SETD1B: variants seen among roughly 807,000 people sequenced by gnomAD.
The protein encoded by SETD1B is histone-lysine N-methyltransferase SETD1B.
Under a neutral mutation model 148.0 loss-of-function variants are expected in SETD1B, and 7 were observed. The ratio of observed to expected loss-of-function variants is 0.05; its 90% confidence interval spans 0.03 to 0.09. The LOEUF is 0.09. Ranked by LOEUF, SETD1B falls within the 10% of genes least tolerant of loss-of-function variation. The pLI, the probability that SETD1B is intolerant of heterozygous loss-of-function variation, is 1.00. For missense variants in SETD1B, 2,155 were observed against 2,729.9 expected, an observed-to-expected ratio of 0.79 and a Z score of 4.69; for synonymous variants, 1,361 against 1,186.5, an observed-to-expected ratio of 1.15 and a Z score of -3.02.
upstream of SETD1B, chr12:121,799,379 T>G (rs1341293985): frequency 6.6e-6 from 1 of 152,132 alleles, no homozygotes; most frequent in Non-Finnish European, 1.5e-5. Flanking sequence ...TAGAGAAAGG[T>G]GGCCGGAACC....
intron 11 of SETD1B, among the ~76,000 whole-genome samples, chr12:121,820,239 G>T (rs1315553585): frequency 6.6e-6 from 1 of 152,240 alleles, no homozygotes; most frequent in African/African-American, 2.4e-5. Context: ...AGTCGGTGGG[G>T]TAGGCCCTGG....
In SETD1B at chr12:121,814,909, C is replaced by A; in HGVS notation, c.2694C>A (p.Asp898Glu). The A allele has an allele frequency of 6.6e-7, 1 of 1,521,366 alleles. No homozygotes were observed. Among genetic ancestry groups the A allele is most frequent in the Non-Finnish European group, 8.9e-7 (1 of 1,127,912 alleles). The allele number at this position is 1,521,366 out of a possible 1,614,324, so 94.2% of individuals were successfully genotyped here. The change falls in exon 7 of 17, where the codon GAC becomes GAA. Residue 898 changes from aspartate to glutamate, a missense_variant. Coordinates refer to ENST00000604567, the MANE Select transcript of SETD1B (RefSeq NM_001353345.2). ...VAFRAFDEWW[D>E]KKERMAKASL... ...TCCGGGCCTTTGACGAGTGGTGGGACAAGAAGGAGCGGATGGCCAAGGTGG... is the reference window on the plus strand; with the variant it reads ...TCCGGGCCTTTGACGAGTGGTGGGAAAAGAAGGAGCGGATGGCCAAGGTGG...
chr12:121,823,039 C>A lies in SETD1B; in HGVS notation c.4460C>A (p.Pro1487His). ...PLPLPLPLAL[P>H]AVLRAQARAP... Reference sequence around the variant, plus strand: ...CCCCTGCCCTTGCCCTTGGCATTGCCCGCCGTCTTGCGGGCCCAGGCTCGT... The same window carrying A: ...CCCCTGCCCTTGCCCTTGGCATTGCACGCCGTCTTGCGGGCCCAGGCTCGT... Residue 1487 changes from proline (P) to histidine (H), a missense_variant, in exon 12 of 17, where the codon CCC becomes CAC. Transcript: ENST00000604567. 1.3e-6 allele frequency: 2 copies of A among 1,517,288 alleles called. No homozygotes were observed. The highest frequency in any genetic ancestry group is 1.8e-6 in the Non-Finnish European group (2 of 1,133,592). The allele number at this position is 1,517,288 out of a possible 1,614,324, so 94.0% of individuals were successfully genotyped here. A position where few individuals can be genotyped will look rare whatever the true frequency, so the allele number is the denominator to read the frequency against.
upstream of SETD1B, chr12:121,802,849 T>C (rs1339154891): frequency 6.6e-6 from 1 of 152,230 alleles, no homozygotes; most frequent in Non-Finnish European, 1.5e-5. Context: ...AGGAAAAACA[T>C]TCCCCATTTG....
chr12:121,799,722 G>GGTGGGGGGGGT (rs1875214664), upstream of SETD1B: 1 of 123,006 alleles, frequency 8.1e-6, no homozygotes, highest in Non-Finnish European at 1.8e-5. Context: ...GCAGCTGGGG[G>GGTGGGGGGGGT]GGGGGGGGTG....
In SETD1B at chr12:121,805,101, C is replaced by T. The variant is rs1002509205; in HGVS notation, c.175-17C>T. The T allele has an allele frequency of 2.6e-6, 4 of 1,550,460 alleles. No homozygotes were observed. Among genetic ancestry groups the T allele is most frequent in the Non-Finnish European group, 3.5e-6 (4 of 1,145,924 alleles). ...GGACCAGTTCTCTCATCCCGGCCCC[C>T]CAATTTCTCCCCACAGATGTCCAGC... On this transcript the variant is annotated splice_polypyrimidine_tract_variant and intron_variant, in intron 2 of 16. Coordinates refer to ENST00000604567, the MANE Select transcript of SETD1B (RefSeq NM_001353345.2). This position sits in a 1 kb window ranked among gnomAD's most constrained non-coding sequence, Gnocchi z 4.2.
At chr12:121,795,672 G>C in the SETD1B span, 2 of 152,804 alleles carry the variant, frequency 1.3e-5, no homozygotes, top group Non-Finnish European at 2.9e-5. Context: ...GACTGGCTGG[G>C]GAGGCAGGGC....
In SETD1B at chr12:121,831,670, AGC is replaced by A. The variant is rs1269742159; in HGVS notation, c.*1432_*1433del. ...AAGCAAGTCCCCCCGTACCCCAGAA[AGC>A]AGAGGAGGCGTGTAAATAATTTCTG... On this transcript the variant is annotated 3_prime_UTR_variant, in exon 17 of 17. Coordinates refer to ENST00000604567, the MANE Select transcript of SETD1B (RefSeq NM_001353345.2). 1 of 152,074 alleles carries A rather than the reference AGC, an allele frequency of 6.6e-6. No individual in the cohort carries two copies. The highest frequency in any genetic ancestry group is 2.4e-5 in the African/African-American group (1 of 41,408). 9.4% of individuals were successfully genotyped at this position (152,074 alleles called of 1,614,324 possible).
Position 121,819,644 on chromosome 12 carries a change from C to T in SETD1B, c.3659C>T (p.Pro1220Leu), listed in dbSNP as rs754814209. The T allele has an allele frequency of 4.9e-5, 76 of 1,551,426 alleles. No homozygotes were observed. The highest frequency in any genetic ancestry group is 6.4e-5 in the Non-Finnish European group (73 of 1,147,012). The change falls in exon 11 of 17, where the codon CCG becomes CTG. Residue 1220 changes from proline (P) to leucine (L), a missense_variant. By Grantham distance (98) the Pro-to-Leu change is moderately conservative. Transcript: ENST00000604567. ...EQDGEEAALA[P>L]GAPAVDSLGM... ...GACGGGGAGGAAGCGGCTCTGGCCC[C>T]GGGGGCACCTGCAGTGGACTCGTTG...
rs1320392247 is a variant in SETD1B at position 121,819,710 on chromosome 12, C to A, written c.3725C>A (p.Ala1242Asp). ...EEVDIETEAVAPEERPSMLDE... is the reference protein window; with the variant it reads ...EEVDIETEAVDPEERPSMLDE... Reference sequence around the variant, plus strand: ...GTGGACATCGAGACTGAGGCTGTGGCCCCTGAGGAGCGGCCCTCCATGCTG... The same window carrying A: ...GTGGACATCGAGACTGAGGCTGTGGACCCTGAGGAGCGGCCCTCCATGCTG... Residue 1242 changes from alanine (A) to aspartate (D), a missense_variant, in exon 11 of 17, where the codon GCC (alanine) becomes GAC (aspartate). By Grantham distance (126) the Ala-to-Asp change is moderately radical. Transcript: ENST00000604567. 2.0e-5 allele frequency: 31 copies of A among 1,550,984 alleles called. No homozygotes were observed. The highest frequency in any genetic ancestry group is 2.7e-5 in the Non-Finnish European group (31 of 1,146,978).
chr12:121,816,209 G>A (rs905205957), intron 7 of SETD1B, among the ~76,000 whole-genome samples: 3 of 152,118 alleles, frequency 2.0e-5, no homozygotes, highest in Non-Finnish European at 4.4e-5. Context: ...CCATAAGAGA[G>A]AACTTTTTCT....
At chr12:121,797,502 CAGAG>C in the SETD1B span, 3 of 456,500 alleles carry the variant, frequency 6.6e-6, no homozygotes, top group Non-Finnish European at 8.8e-6. Flanking sequence ...GGGACCAAAG[CAGAG>C]AGAGAGGGGT....
chr12:121,816,020 G>T (rs1412539899), intron 7 of SETD1B, among the ~76,000 whole-genome samples: 1 of 151,530 alleles, frequency 6.6e-6, no homozygotes, highest in East Asian at 1.9e-4. Flanking sequence ...TAGAGATGGG[G>T]TTTCACCTTG....
Position 121,817,782 on chromosome 12 carries a change from T to C in SETD1B, c.3313-17T>C, listed in dbSNP as rs947459179. 6.5e-7 allele frequency: 1 copy of C among 1,545,996 alleles called. No individual in the cohort carries two copies. The stretch of plus-strand genomic sequence containing the variant: ...GACCCTTCGGCTCACCTGTCCCCAC[T>C]CTTCCTTCTCCCCCAGGATGACGAC... On this transcript the variant is annotated splice_polypyrimidine_tract_variant and intron_variant, in intron 9 of 16. Coordinates refer to ENST00000604567, the MANE Select transcript of SETD1B (RefSeq NM_001353345.2). The surrounding 1 kb of genome is among the most constrained non-coding windows in gnomAD (Gnocchi z 8.1).
At chr12:121,825,486 A>G (rs1045931743) in intron 13 of SETD1B, 120 bp downstream of exon 13, 2 of 467,470 alleles carry the variant, frequency 4.3e-6, no homozygotes, top group Non-Finnish European at 7.2e-6. Context: ...GCTGGCACAC[A>G]GAGGGTGCAA....
chr12:121,826,554 G>A (rs901592156), intron 13 of SETD1B, among the ~76,000 whole-genome samples: 2 of 152,208 alleles, frequency 1.3e-5, no homozygotes, highest in South Asian at 4.1e-4. Context: ...ACTTGTGGGA[G>A]AGACAGCACA....
intron 13 of SETD1B, 114 bp downstream of exon 13, chr12:121,825,480 GCACACAGA>G: frequency 6.8e-6 from 4 of 591,320 alleles, no homozygotes; most frequent in East Asian, 5.6e-5. Flanking sequence ...AGAGGGGCTG[GCACACAGA>G]GGGTGCAAGT....
At position 121,805,471 on chromosome 12, in the gene SETD1B, ACT is replaced by A. The variant is rs1262826390; in HGVS notation, c.273+259_273+260del. Among the ~76,000 whole-genome samples the A allele has an allele frequency of 2.7e-5, 4 of 150,428 alleles. No homozygotes were observed. Among genetic ancestry groups the A allele is most frequent in the African/African-American group, 9.8e-5 (4 of 40,724 alleles). Reference sequence around the variant, plus strand: ...GCCCCGCGGGGGGCTCGGCTCCGAGACTCTCCCCTCTCGCTAGCCCACTACAG... The same window carrying A: ...GCCCCGCGGGGGGCTCGGCTCCGAGACTCCCCTCTCGCTAGCCCACTACAG... On this transcript the variant is annotated intron_variant, in intron 3 of 16. Coordinates refer to ENST00000604567, the MANE Select transcript of SETD1B (RefSeq NM_001353345.2). This position sits in a 1 kb window ranked among gnomAD's most constrained non-coding sequence, Gnocchi z 4.2.
the SETD1B span, chr12:121,794,088 C>G: frequency 1.2e-5 from 2 of 161,184 alleles, no homozygotes; most frequent in African/African-American, 2.4e-5. Context: ...AGCCCCCGGC[C>G]TCCAGCTCCG....
Sources: allele counts gnomAD v4.1 joint callset (sites outside exome capture counted in the v4.1 genomes callset), GRCh38; gene constraint gnomAD v4.1.1; non-coding constraint Gnocchi (gnomAD v3.1); transcripts MANE v1.5; gene names NCBI Gene and HGNC (gene_info 2026-07-23, HGNC 2026-07-21).